The following XYLT1 variants were observed in gnomAD, a reference collection of about 807,000 sequenced individuals.
The protein encoded by XYLT1 is beta-D-xylosyltransferase 1.
In XYLT1, 36 loss-of-function variants were observed where a neutral mutation model predicts 91.3. The observed-to-expected ratio is 0.39, with a 90% confidence interval of 0.30 to 0.52. The LOEUF is 0.52. Among genes scored for constraint, XYLT1 ranks in the 20% least tolerant of loss-of-function variants. The pLI, the probability that XYLT1 is intolerant of heterozygous loss-of-function variation, is 0.68. For missense variants in XYLT1, 1,242 were observed against 1,284.5 expected, an observed-to-expected ratio of 0.97 and a Z score of 0.51; for synonymous variants, 588 against 532.0, an observed-to-expected ratio of 1.11 and a Z score of -1.45.
chr16:17,227,275 AAGTTTTCC>A (rs1187154141), intron 3 of XYLT1: 3 of 152,354 alleles, frequency 2.0e-5, no homozygotes, highest in Non-Finnish European at 4.4e-5. Flanking sequence ...AGTAAAGTAA[AAGTTTTCC>A]AGGCAGACAC....
chr16:17,425,892 T>C (rs925958463), intron 1 of XYLT1, among the ~76,000 whole-genome samples: 2 of 152,184 alleles, frequency 1.3e-5, no homozygotes, highest in Non-Finnish European at 2.9e-5. Flanking sequence ...AGAAAGTTAA[T>C]GTCCCGCCAC....
In XYLT1 at chr16:17,415,629, T is replaced by G. The variant is rs150797025; in HGVS notation, c.363+54805A>C. On this transcript the variant is annotated intron_variant, in intron 1 of 11. Transcript: ENST00000261381. Reference sequence around the variant, plus strand: ...ACCGCTTGAGTCCGGGAGGCAGAGGTTGCAGTGAGCTGAGATAGCACCATT... The same window carrying G: ...ACCGCTTGAGTCCGGGAGGCAGAGGGTGCAGTGAGCTGAGATAGCACCATT... Among the ~76,000 whole-genome samples the G allele has an allele frequency of 5.0e-3, 760 of 151,910 alleles. 3 individuals carry two copies. The highest frequency in any genetic ancestry group is 0.017 in the African/African-American group (713 of 41,420).
chr16:17,261,185 G>C (rs1473313885), intron 2 of XYLT1, among the ~76,000 whole-genome samples: 1 of 148,134 alleles, frequency 6.8e-6, no homozygotes, highest in Non-Finnish European at 1.5e-5. Context: ...GGAGGTTGCA[G>C]TGAGCTGAGA....
intron 5 of XYLT1, among the ~76,000 whole-genome samples, chr16:17,170,599 G>T (rs1190902790): frequency 6.6e-6 from 1 of 152,188 alleles, no homozygotes; most frequent in Non-Finnish European, 1.5e-5. Flanking sequence ...CTGGCTCAAT[G>T]TCAGTTCCAC....
chr16:17,161,675 G>GCTCTCTCTCTCTCT (rs111901583), intron 5 of XYLT1, among the ~76,000 whole-genome samples: 2 of 94,476 alleles, frequency 2.1e-5, no homozygotes, highest in South Asian at 2.8e-4. Context: ...AGTTTCTCGC[G>GCTCTCTCTCTCTCT]CGCTCTCTCT....
chr16:17,410,489 C>T (rs1567193338), intron 1 of XYLT1, among the ~76,000 whole-genome samples: 1 of 152,118 alleles, frequency 6.6e-6, no homozygotes, highest in Non-Finnish European at 1.5e-5. Flanking sequence ...TCTCATGAGA[C>T]TCATTCACTA....
At chr16:17,299,718 T>C (rs922270326) in intron 2 of XYLT1, among the ~76,000 whole-genome samples, 4 of 152,138 alleles carry the variant, frequency 2.6e-5, no homozygotes, top group African/African-American at 9.7e-5. Context: ...ATGCTAGATT[T>C]CCCTAACTGC....
chr16:17,109,261 A>G (rs1262903018), intron 11 of XYLT1, among the ~76,000 whole-genome samples: 1 of 152,228 alleles, frequency 6.6e-6, no homozygotes, highest in African/African-American at 2.4e-5. Flanking sequence ...ACATGTTTAT[A>G]GCGCATCTTT....
intron 2 of XYLT1, among the ~76,000 whole-genome samples, chr16:17,269,445 G>A (rs979624695): frequency 6.6e-6 from 1 of 152,156 alleles, no homozygotes; most frequent in Non-Finnish European, 1.5e-5. Context: ...CTAAAGTGCT[G>A]AGATTACAAG....
chr16:17,125,001 A>G (rs2030208617), intron 10 of XYLT1, among the ~76,000 whole-genome samples: 1 of 152,030 alleles, frequency 6.6e-6, no homozygotes, highest in South Asian at 2.1e-4. Flanking sequence ...CGTATCCTAT[A>G]TCTTTTTTTT....
chr16:17,141,854 T>C (rs2030986013), intron 6 of XYLT1, among the ~76,000 whole-genome samples: 1 of 152,234 alleles, frequency 6.6e-6, no homozygotes, highest in East Asian at 1.9e-4. Flanking sequence ...TGATATAAAG[T>C]AATGCCTGTG....
At position 17,438,598 on chromosome 16, in the gene XYLT1, G is replaced by A. The variant is rs541775141; in HGVS notation, c.363+31836C>T. On this transcript the variant is annotated intron_variant, in intron 1 of 11. Transcript: ENST00000261381. ...CCCGCATCCCTAGAAAGAACAACTT[G>A]AGACTGGATAATTTATGAAGAAAAG... 4.0e-3 allele frequency among the ~76,000 whole-genome samples: 614 copies of A among 152,234 alleles called. 8 individuals are homozygous for A. Among genetic ancestry groups the A allele is most frequent in the African/African-American group, 0.014 (588 of 41,542 alleles).
intron 3 of XYLT1, chr16:17,249,763 G>C (rs971759100): frequency 1.3e-5 from 2 of 152,210 alleles, no homozygotes; most frequent in Non-Finnish European, 2.9e-5. Flanking sequence ...TGACCTCCCG[G>C]GTTGAAGCAA....
chr16:17,133,140 A>C (rs1052709332), intron 9 of XYLT1, among the ~76,000 whole-genome samples: 3 of 152,148 alleles, frequency 2.0e-5, no homozygotes, highest in Non-Finnish European at 4.4e-5. Context: ...AACTTTACGG[A>C]GAGAGAAGCC....
At chr16:17,128,526 A>G (rs879699760) in intron 9 of XYLT1, among the ~76,000 whole-genome samples, 2 of 152,148 alleles carry the variant, frequency 1.3e-5, no homozygotes, top group African/African-American at 4.8e-5. Context: ...TCTCTGTTTA[A>G]ATGTCTGAGG....
intron 1 of XYLT1, among the ~76,000 whole-genome samples, chr16:17,468,393 T>C (rs1404650570): frequency 6.6e-6 from 1 of 151,510 alleles, no homozygotes; most frequent in Non-Finnish European, 1.5e-5. Context: ...TAAATGTCCA[T>C]CTTGGAAGGT....
chr16:17,458,822 G>A (rs142964659), intron 1 of XYLT1, among the ~76,000 whole-genome samples: 1,652 of 152,116 alleles, frequency 0.011, 22 homozygotes, highest in Non-Finnish European at 0.014. Flanking sequence ...TGTTGAAGCT[G>A]CCGTTTTGAT....
chr16:17,244,822 T>C (rs188708824), intron 3 of XYLT1, among the ~76,000 whole-genome samples: 15 of 152,328 alleles, frequency 9.8e-5, no homozygotes, highest in African/African-American at 3.6e-4. Flanking sequence ...CAGAGTTATA[T>C]GGTCAGCTAC....
In XYLT1 at chr16:17,470,913, C is replaced by CTG. The variant is rs2141970923; in HGVS notation, c.-118_-117insCA. On this transcript the variant is annotated 5_prime_UTR_variant, in exon 1 of 12. Coordinates refer to ENST00000261381, the MANE Select transcript of XYLT1 (RefSeq NM_022166.4). ...CCGCTCGGGCTCCCGCTCGGGCCGC[C>CTG]GCCGCCGCCCCCCTCCCCACACCCC... 5.5e-5 allele frequency: 8 copies of CTG among 145,508 alleles called. No homozygotes were observed. Among genetic ancestry groups the CTG allele is most frequent in the Admixed American group, 1.4e-4 (2 of 14,746 alleles). 9.0% of individuals were successfully genotyped at this position (145,508 alleles called of 1,614,324 possible).
Sources: allele counts gnomAD v4.1 joint callset (sites outside exome capture counted in the v4.1 genomes callset), GRCh38; gene constraint gnomAD v4.1.1; transcripts MANE v1.5; gene names NCBI Gene and HGNC (gene_info 2026-07-23, HGNC 2026-07-21).